ZNF91: variants seen among roughly 807,000 people sequenced by gnomAD.
ZNF91 encodes zinc finger protein 91, also known as zinc finger protein 91 (HPF7, HTF10).
Under a neutral mutation model 12.6 loss-of-function variants are expected in ZNF91, and 7 were observed. The observed-to-expected ratio is 0.55, with a 90% CI of 0.31 to 1.04. The LOEUF (loss-of-function observed/expected upper bound fraction) is 1.04, where lower values mean the gene tolerates loss of function less well. ZNF91 is among the 50% of genes least tolerant of loss of function. The pLI, the probability that ZNF91 is intolerant of heterozygous loss-of-function variation, is 0.05. For missense variants in ZNF91, 1,217 were observed against 1,385.4 expected, an observed-to-expected ratio of 0.88 and a Z score of 1.93; for synonymous variants, 453 against 462.6, an observed-to-expected ratio of 0.98 and a Z score of 0.27.
chr19:23,361,860 A>C lies in ZNF91; in HGVS notation c.1119T>G (p.Thr373=), dbSNP rs769732560. 1 of 1,610,206 alleles carries C rather than the reference A, an allele frequency of 6.2e-7. No individual in the cohort carries two copies. The highest frequency in any genetic ancestry group is 8.5e-7 in the Non-Finnish European group (1 of 1,177,416). The part of the protein sequence containing the change: ...STLANHKITH[T]EEKPYKCKEC... Reference sequence around the variant, plus strand: ...CTTTACATTTGTAGGGTTTCTCTTCAGTATGAGTTATCTTATGATTAGCAA... The same window carrying C: ...CTTTACATTTGTAGGGTTTCTCTTCCGTATGAGTTATCTTATGATTAGCAA... The change falls in exon 4 of 4, where the codon ACT becomes ACG. Residue 373 remains threonine, a synonymous_variant. Coordinates refer to ENST00000300619, the MANE Select transcript of ZNF91 (RefSeq NM_003430.4).
chr19:23,367,381 T>C (rs1303194326), intron 3 of ZNF91, among the ~76,000 whole-genome samples: 6 of 144,652 alleles, frequency 4.1e-5, no homozygotes. Context: ...AAACTCAAAC[T>C]GGAGATTAAA....
At position 23,361,799 on chromosome 19, in the gene ZNF91, T is replaced by A. The variant is rs1042736353; in HGVS notation, c.1180A>T (p.Thr394Ser). 2.5e-6 allele frequency: 4 copies of A among 1,609,294 alleles called. No homozygotes were observed. In the African/African-American group the frequency reaches 5.4e-5, roughly 22 times the overall value. Residue 394 changes from threonine to serine, a missense_variant, in exon 4 of 4, where the codon ACT (threonine) becomes TCT (serine). This residue lies in a region of ZNF91 where 726 missense variants were observed against 895.5 expected (regional missense o/e 0.81). Coordinates refer to ENST00000300619, the MANE Select transcript of ZNF91 (RefSeq NM_003430.4). The stretch of plus-strand genomic sequence containing the variant: ...CCAGCATGTATTATTTTATGTTTAG[T>A]AAGGGTTGAGAGTCGCTTAAAAGCT... ...DKAFKRLSTL[T>S]KHKIIHAGEK...
chr19:23,330,309 C>T (rs547426544), intron 1 of ZNF91, among the ~76,000 whole-genome samples: 1 of 150,230 alleles, frequency 6.7e-6, no homozygotes, highest in Non-Finnish European at 1.5e-5. Flanking sequence ...CCAGCCTTGG[C>T]AGCAGAGCCA....
rs767419045 is a variant in ZNF91 at position 23,369,409 on chromosome 19, G to A, written c.253+4333C>T. The stretch of plus-strand genomic sequence containing the variant: ...AGGTGGGGTGCGCCTCCGCCCGGCC[G>A]CTGCCCCGTCCGGGAGGTGGAGGGC... On this transcript the variant is annotated intron_variant, in intron 3 of 3. Coordinates refer to ENST00000300619, the MANE Select transcript of ZNF91 (RefSeq NM_003430.4). Among the ~76,000 whole-genome samples the A allele has an allele frequency of 4.0e-5, 6 of 151,688 alleles. No homozygotes were observed. In the East Asian group the frequency reaches 5.9e-4, roughly 15 times the overall value.
Position 23,359,956 on chromosome 19 carries a change from G to A in ZNF91, c.3023C>T (p.Thr1008Ile), listed in dbSNP as rs201244953. 3 of 1,610,032 alleles carry A rather than the reference G, an allele frequency of 1.9e-6. No individual in the cohort carries two copies. The highest frequency in any genetic ancestry group is 2.7e-5 in the African/African-American group (2 of 74,232). ...GTGCATCCTCGTATGTCTAGTTAGG[G>A]TTGAGGATTGGCTAAATGCTTTGCC... ...ECGKAFSQSSTLTRHTRMHTG... is the reference protein window; with the variant it reads ...ECGKAFSQSSILTRHTRMHTG... Residue 1008 changes from threonine to isoleucine, a missense_variant, in exon 4 of 4, where the codon ACC (threonine) becomes ATC (isoleucine). By Grantham distance (89) the Thr-to-Ile change is moderately conservative (BLOSUM62 -1). Coordinates refer to ENST00000300619, the MANE Select transcript of ZNF91 (RefSeq NM_003430.4).
downstream of ZNF91, among the ~76,000 whole-genome samples, chr19:23,356,316 T>C (rs539436017): frequency 7.1e-4 from 108 of 151,774 alleles, no homozygotes; most frequent in Non-Finnish European, 1.4e-3. Flanking sequence ...GAAATATATA[T>C]ATGTGTGTGT....
chr19:23,387,328 A>G (rs1969904383), intron 1 of ZNF91, among the ~76,000 whole-genome samples: 1 of 152,248 alleles, frequency 6.6e-6, no homozygotes, highest in Non-Finnish European at 1.5e-5. Flanking sequence ...TCTCTCATAA[A>G]GACACATGCA....
chr19:23,321,105 T>C (rs1967684836), intron 1 of ZNF91, among the ~76,000 whole-genome samples: 1 of 152,150 alleles, frequency 6.6e-6, no homozygotes, highest in Non-Finnish European at 1.5e-5. Flanking sequence ...AACCAGAACA[T>C]GTGAGGGATT....
At chr19:23,313,478 G>A (rs1393080680), upstream of ZNF91, among the ~76,000 whole-genome samples, 1 of 152,120 alleles carries the variant, frequency 6.6e-6, no homozygotes, top group Admixed American at 6.5e-5. Flanking sequence ...CAGTGGGCCC[G>A]GAAGCCAGGT....
At chr19:23,365,611 G>A (rs746232000) in intron 3 of ZNF91, among the ~76,000 whole-genome samples, 12 of 149,204 alleles carry the variant, frequency 8.0e-5, no homozygotes, top group Non-Finnish European at 1.0e-4. Context: ...GGTGTTTCTC[G>A]CAGAGAGGGA....
chr19:23,378,192 A>T (rs1475950710), intron 1 of ZNF91, among the ~76,000 whole-genome samples: 15 of 152,150 alleles, frequency 9.9e-5, no homozygotes, highest in Non-Finnish European at 1.6e-4. Context: ...AATACATGTT[A>T]TTTTTCCATT....
In ZNF91 at chr19:23,362,739, A is replaced by C. The variant is rs529206222; in HGVS notation, c.254-14T>G. 8 of 1,428,692 alleles carry C rather than the reference A, an allele frequency of 5.6e-6. No individual in the cohort carries two copies. Among genetic ancestry groups the C allele is most frequent in the East Asian group, 2.4e-5 (1 of 42,016 alleles). 88.5% of individuals were successfully genotyped at this position (1,428,692 alleles called of 1,614,324 possible). On this transcript the variant is annotated splice_polypyrimidine_tract_variant and intron_variant, in intron 3 of 3. Coordinates refer to ENST00000300619, the MANE Select transcript of ZNF91 (RefSeq NM_003430.4). ...GAGGACATATACCTGAAAAAAAAAA[A>C]CTAAAAATAATAAATTACTCCACTC...
rs1169544596 is a variant in ZNF91, at chr19:23,361,401, A to T, written c.1578T>A (p.Ala526=). Residue 526 remains alanine, a synonymous_variant, in exon 4 of 4, where the codon GCT becomes GCA. Transcript: ENST00000300619. ...KPYKFEECGK[A]FRQSLTLNKH... ...TATTAAGGGTTAAGGATTGTCTAAAAGCTTTGCCACATTCTTCAAATTTGT... is the reference window on the plus strand; with the variant it reads ...TATTAAGGGTTAAGGATTGTCTAAATGCTTTGCCACATTCTTCAAATTTGT... The T allele has an allele frequency of 6.2e-7, 1 of 1,612,640 alleles. No homozygotes were observed. Among genetic ancestry groups the T allele is most frequent in the Non-Finnish European group, 8.5e-7 (1 of 1,179,520 alleles).
intron 1 of ZNF91, among the ~76,000 whole-genome samples, chr19:23,388,095 A>T (rs1435709780): frequency 6.6e-6 from 1 of 151,178 alleles, no homozygotes; most frequent in East Asian, 2.0e-4. Flanking sequence ...AAACTACAAA[A>T]ATTAGCAGGG....
chr19:23,326,812 G>A (rs900387860), intron 1 of ZNF91: 1 of 152,140 alleles, frequency 6.6e-6, no homozygotes, highest in Non-Finnish European at 1.5e-5. Flanking sequence ...TTGGTGCTTT[G>A]GTGGGAAATA....
chr19:23,392,020 C>A (rs1332392656), intron 1 of ZNF91, among the ~76,000 whole-genome samples: 1 of 152,128 alleles, frequency 6.6e-6, no homozygotes, highest in Non-Finnish European at 1.5e-5. Flanking sequence ...ACATCTTATA[C>A]CTCAGTAAGA....
chr19:23,344,330 A>T (rs1459904519), intron 3 of ZNF91, among the ~76,000 whole-genome samples: 1 of 151,990 alleles, frequency 6.6e-6, no homozygotes, highest in African/African-American at 2.4e-5. Context: ...TCCTGACCTC[A>T]TGATCCGCCC....
chr19:23,323,037 CTTT>C lies in ZNF91; in HGVS notation n.117-13943_117-13941del, dbSNP rs150258370. On this transcript the variant is annotated intron_variant and non_coding_transcript_variant, in intron 1 of 1. Coordinates refer to the ZNF91 transcript ENST00000596528. ...CCTCTTTTTCTCCTCGTCCTTTCTCCTTTTTGTTTCCTCCTCCTTTCCTCATCC... is the reference window on the plus strand; with the variant it reads ...CCTCTTTTTCTCCTCGTCCTTTCTCCTTGTTTCCTCCTCCTTTCCTCATCC... Among the ~76,000 whole-genome samples, 14 of 84,334 alleles carry C rather than the reference CTTT, an allele frequency of 1.7e-4. 1 individual carries two copies. Among genetic ancestry groups the C allele is most frequent in the East Asian group, 4.8e-4 (1 of 2,098 alleles). The allele number at this position is 84,334 out of a possible 152,430, so 55.3% of individuals were successfully genotyped here.
At chr19:23,340,773 T>C (rs1015458051) in intron 3 of ZNF91, among the ~76,000 whole-genome samples, 10 of 147,996 alleles carry the variant, frequency 6.8e-5, no homozygotes, top group African/African-American at 2.3e-4. Flanking sequence ...AATAGACAAA[T>C]GGAAATCAAA....
Sources: allele counts gnomAD v4.1 joint callset (sites outside exome capture counted in the v4.1 genomes callset), GRCh38; gene constraint gnomAD v4.1.1; regional missense constraint gnomAD v4.1.1; transcripts MANE v1.5; gene names NCBI Gene and HGNC (gene_info 2026-07-23, HGNC 2026-07-21).